The following RBFOX3 variants were observed in gnomAD, a reference collection of about 807,000 sequenced individuals.
The protein encoded by RBFOX3 is RNA binding fox-1 homolog 3.
A neutral mutation model predicts 48.7 loss-of-function variants in RBFOX3; 17 were observed. The observed-to-expected ratio is 0.35, with a 90% CI of 0.24 to 0.52. The LOEUF (loss-of-function observed/expected upper bound fraction) is 0.52. Ranked by LOEUF, RBFOX3 falls within the 20% of genes least tolerant of loss-of-function variation. The probability of loss-of-function intolerance (pLI) is 0.94; values close to 1 mark genes in which losing one functional copy is unlikely to be tolerated. For missense variants in RBFOX3, 382 were observed against 497.5 expected, an observed-to-expected ratio of 0.77 and a Z score of 2.21; for synonymous variants, 212 against 209.5, an observed-to-expected ratio of 1.01 and a Z score of -0.10.
intron 2 of RBFOX3, among the ~76,000 whole-genome samples, chr17:79,401,034 A>G (rs2062737040): frequency 6.6e-6 from 1 of 152,258 alleles, no homozygotes; most frequent in Admixed American, 6.5e-5. Flanking sequence ...CCAAAGCTAG[A>G]GATCCGGGCG....
intron 1 of RBFOX3, among the ~76,000 whole-genome samples, chr17:79,485,979 C>A (rs1322305076): frequency 6.6e-6 from 1 of 152,266 alleles, no homozygotes; most frequent in Non-Finnish European, 1.5e-5. Context: ...TCATCCATAG[C>A]GCAGAACACG....
chr17:79,307,337 G>A (rs977106194), intron 3 of RBFOX3, among the ~76,000 whole-genome samples: 2 of 152,180 alleles, frequency 1.3e-5, no homozygotes, highest in Non-Finnish European at 1.5e-5. Flanking sequence ...CAGGGGAGGC[G>A]AAATGACATT....
chr17:79,485,419 T>C (rs1374690569), intron 1 of RBFOX3, among the ~76,000 whole-genome samples: 2 of 151,930 alleles, frequency 1.3e-5, no homozygotes, highest in Non-Finnish European at 2.9e-5. Flanking sequence ...GGTCGGGAGA[T>C]GTGATGAAAG....
intron 2 of RBFOX3, among the ~76,000 whole-genome samples, chr17:79,358,006 G>A (rs978937574): frequency 6.6e-6 from 1 of 151,738 alleles, no homozygotes; most frequent in African/African-American, 2.4e-5. Context: ...GAGTACAGTG[G>A]CACATTCATA....
At chr17:79,158,950 C>A (rs2046380213) in intron 4 of RBFOX3, among the ~76,000 whole-genome samples, 1 of 152,192 alleles carries the variant, frequency 6.6e-6, no homozygotes, top group Admixed American at 6.5e-5. Context: ...GTGCTGTAAG[C>A]CCCAACCGAC....
chr17:79,628,447 A>G, the RBFOX3 span, among the ~76,000 whole-genome samples: 1 of 152,172 alleles, frequency 6.6e-6, no homozygotes, highest in Non-Finnish European at 1.5e-5. Flanking sequence ...CTGCTTCATC[A>G]CAAGGCCGCA....
intron 3 of RBFOX3, among the ~76,000 whole-genome samples, chr17:79,264,806 G>T (rs979405677): frequency 2.0e-5 from 3 of 152,132 alleles, no homozygotes; most frequent in Non-Finnish European, 4.4e-5. Flanking sequence ...CACGAACCGG[G>T]CCTCGACTTC....
chr17:79,409,407 T>C (rs2063972303), intron 2 of RBFOX3, among the ~76,000 whole-genome samples: 3 of 152,218 alleles, frequency 2.0e-5, no homozygotes. Context: ...CATGTCCAAC[T>C]TTTTGAGGAA....
intron 4 of RBFOX3, among the ~76,000 whole-genome samples, chr17:79,176,508 G>T (rs1426404114): frequency 6.6e-6 from 1 of 152,254 alleles, no homozygotes; most frequent in East Asian, 1.9e-4. Flanking sequence ...CGCTGCCCCG[G>T]AGGGACTGTG....
At chr17:79,289,699 C>G (rs1418190027) in intron 3 of RBFOX3, among the ~76,000 whole-genome samples, 2 of 152,348 alleles carry the variant, frequency 1.3e-5, no homozygotes, top group African/African-American at 4.8e-5. Flanking sequence ...AAAGCTGCCT[C>G]CCAGCTCCTG....
the RBFOX3 span, among the ~76,000 whole-genome samples, chr17:79,658,876 G>C: frequency 3.0e-4 from 46 of 152,322 alleles, no homozygotes; most frequent in Middle Eastern, 3.4e-3. Context: ...TACTCAACAA[G>C]ATAACCTCCA....
intron 3 of RBFOX3, among the ~76,000 whole-genome samples, chr17:79,291,525 A>G: frequency 6.6e-6 from 1 of 152,202 alleles, no homozygotes; most frequent in Middle Eastern, 3.2e-3. Context: ...TCCCCTGGGC[A>G]GGAAGAATGG....
chr17:79,135,606 G>A (rs2040011466), intron 4 of RBFOX3, among the ~76,000 whole-genome samples: 1 of 152,178 alleles, frequency 6.6e-6, no homozygotes, highest in Admixed American at 6.5e-5. Flanking sequence ...AGCGCAGTGG[G>A]GGCATCGGGG....
rs960830619 is a variant in RBFOX3, at chr17:79,362,158, A to C, written c.-174-54334T>G. ...CACAGCCCTCCACGGGCCACGGCCA[A>C]GCGCTGAGCCAACAGAGTTTGCCTC... On this transcript the variant is annotated intron_variant, in intron 2 of 14. Transcript: ENST00000693108. This position sits in a 1 kb window ranked among gnomAD's most constrained non-coding sequence, Gnocchi z 4.2. 6.6e-6 allele frequency among the ~76,000 whole-genome samples: 1 copy of C among 152,226 alleles called. No individual in the cohort carries two copies. The highest frequency in any genetic ancestry group is 1.5e-5 in the Non-Finnish European group (1 of 68,034).
chr17:79,307,191 G>A (rs1177634704), intron 3 of RBFOX3, among the ~76,000 whole-genome samples: 2 of 152,230 alleles, frequency 1.3e-5, no homozygotes, highest in Admixed American at 6.5e-5. Flanking sequence ...CAGCGTGTCC[G>A]CCCTGTTGCC....
intron 2 of RBFOX3, among the ~76,000 whole-genome samples, chr17:79,353,136 C>T (rs375298694): frequency 3.9e-5 from 6 of 152,336 alleles, no homozygotes; most frequent in East Asian, 3.9e-4. Context: ...TTGGCCTGGA[C>T]GATCATGCCC....
chr17:79,573,232 C>T (rs953752851), intron 1 of RBFOX3, among the ~76,000 whole-genome samples: 4 of 152,180 alleles, frequency 2.6e-5, no homozygotes, highest in Admixed American at 2.0e-4. Flanking sequence ...GGAAATACTT[C>T]CTCCAAGCCT....
chr17:79,586,641 C>A (rs2093258642), intron 1 of RBFOX3, among the ~76,000 whole-genome samples: 1 of 152,198 alleles, frequency 6.6e-6, no homozygotes, highest in East Asian at 1.9e-4. Context: ...AATTGAGCTA[C>A]TTGGTGAGAT....
Position 79,519,000 on chromosome 17 carries a change from C to T in RBFOX3, c.-319-36402G>A, listed in dbSNP as rs1034332009. On this transcript the variant is annotated intron_variant, in intron 1 of 14. Transcript: ENST00000693108. ...GGAGAAAGCCAGCCATCGCGGGAGA[C>T]GCGTCTTCAGGATGCTGTACCCGGG... Among the ~76,000 whole-genome samples, 508 of 152,346 alleles carry T rather than the reference C, an allele frequency of 3.3e-3. 4 individuals are homozygous for T. Among genetic ancestry groups the T allele is most frequent in the African/African-American group, 0.011 (471 of 41,586 alleles).
Sources: allele counts gnomAD v4.1 joint callset (sites outside exome capture counted in the v4.1 genomes callset), GRCh38; gene constraint gnomAD v4.1.1; non-coding constraint Gnocchi (gnomAD v3.1); transcripts MANE v1.5; gene names NCBI Gene and HGNC (gene_info 2026-07-23, HGNC 2026-07-21).